Variants in NETO2 observed in about 807,000 individuals in gnomAD.
NETO2 encodes the protein neuropilin and tolloid like 2, also known as neuropilin and tolloid-like protein 2.
A neutral mutation model predicts 62.5 loss-of-function variants in NETO2; 28 were observed. The ratio of observed to expected loss-of-function variants is 0.45; its 90% confidence interval spans 0.33 to 0.61. The LOEUF is 0.61. Among genes scored for constraint, NETO2 ranks in the 20% least tolerant of loss-of-function variants. NETO2 has a pLI of 0.02. For missense variants in NETO2, 548 were observed against 643.2 expected, an observed-to-expected ratio of 0.85 and a Z score of 1.60; for synonymous variants, 214 against 219.1, an observed-to-expected ratio of 0.98 and a Z score of 0.21.
At chr16:47,105,133 A>T (rs1963646047) in intron 7 of NETO2, among the ~76,000 whole-genome samples, 1 of 152,034 alleles carries the variant, frequency 6.6e-6, no homozygotes. Context: ...CCTGGACTCA[A>T]GCAATCCTCC....
chr16:47,122,567 TA>T, intron 6 of NETO2, 89 bp downstream of exon 6: 26 of 1,457,386 alleles, frequency 1.8e-5, no homozygotes, highest in Non-Finnish European at 2.3e-5. Context: ...ATGTAGTCAA[TA>T]AATATTTACA....
intron 4 of NETO2, among the ~76,000 whole-genome samples, chr16:47,126,291 C>T (rs1056881411): frequency 5.3e-5 from 8 of 152,076 alleles, no homozygotes; most frequent in Non-Finnish European, 1.0e-4. Context: ...TACATCTAGA[C>T]AATGAAGTAT....
chr16:47,105,702 A>G (rs1250757937), intron 7 of NETO2, among the ~76,000 whole-genome samples: 2 of 152,256 alleles, frequency 1.3e-5, no homozygotes, highest in Non-Finnish European at 2.9e-5. Flanking sequence ...AAGATGTATG[A>G]ATAGCCAAGA....
chr16:47,128,217 T>C, intron 4 of NETO2, 108 bp downstream of exon 4: 1 of 1,376,326 alleles, frequency 7.3e-7, no homozygotes, highest in South Asian at 1.4e-5. Context: ...TTGTTTAAAA[T>C]CTTGATTTGA....
intron 6 of NETO2, among the ~76,000 whole-genome samples, chr16:47,118,604 T>TTA: frequency 6.6e-6 from 1 of 152,366 alleles, no homozygotes; most frequent in Middle Eastern, 3.4e-3. Flanking sequence ...TGACAAATCA[T>TTA]TATTTATAAT....
Position 47,079,299 on chromosome 16 carries a change from AAAAC to A in NETO2, c.*3918_*3921del, listed in dbSNP as rs1192198323. On this transcript the variant is annotated 3_prime_UTR_variant, in exon 9 of 9. Transcript: ENST00000562435. ...CTGTCTCAAAAAACAAAAAAACAGA[AAAAC>A]AAAAACAGAAGGCCAGGCGCGGTGG... 2 of 139,268 alleles carry A rather than the reference AAAAC, an allele frequency of 1.4e-5. No individual in the cohort carries two copies. The highest frequency in any genetic ancestry group is 2.7e-5 in the African/African-American group (1 of 37,004). 8.6% of individuals were successfully genotyped at this position (139,268 alleles called of 1,614,324 possible).
intron 6 of NETO2, among the ~76,000 whole-genome samples, chr16:47,118,755 C>A (rs1963974369): frequency 6.6e-6 from 1 of 152,228 alleles, no homozygotes; most frequent in Non-Finnish European, 1.5e-5. Flanking sequence ...ACTTCTACCT[C>A]TTACATACTA....
chr16:47,140,580 G>A (rs567237862), intron 1 of NETO2, among the ~76,000 whole-genome samples: 2 of 152,252 alleles, frequency 1.3e-5, no homozygotes, highest in East Asian at 3.9e-4. Context: ...TGCAGTTGAG[G>A]ATTTACTACA....
chr16:47,085,380 CTTT>C (rs113927407), intron 8 of NETO2, among the ~76,000 whole-genome samples: 1 of 145,898 alleles, frequency 6.9e-6, no homozygotes. Context: ...CCACGATATA[CTTT>C]TTTTTTTTTT....
chr16:47,117,727 T>C (rs774089947), intron 6 of NETO2, among the ~76,000 whole-genome samples: 31 of 152,180 alleles, frequency 2.0e-4, no homozygotes, highest in Non-Finnish European at 4.1e-4. Flanking sequence ...TGAGTCCTAT[T>C]TTCCTACTCT....
At chr16:47,138,270 C>A (rs1964398041) in intron 1 of NETO2, among the ~76,000 whole-genome samples, 1 of 152,150 alleles carries the variant, frequency 6.6e-6, no homozygotes, top group Non-Finnish European at 1.5e-5. Context: ...CATGGTGGCA[C>A]ACGCCTGTAG....
chr16:47,116,789 T>C (rs1168485880), intron 6 of NETO2, among the ~76,000 whole-genome samples: 1 of 152,228 alleles, frequency 6.6e-6, no homozygotes, highest in Non-Finnish European at 1.5e-5. Context: ...ATTTTTTGAA[T>C]AAGCACAGGA....
At chr16:47,107,306 CT>C (rs1159294311) in intron 7 of NETO2, among the ~76,000 whole-genome samples, 14 of 152,176 alleles carry the variant, frequency 9.2e-5, no homozygotes, top group Non-Finnish European at 1.8e-4. Context: ...GTTTCCACAA[CT>C]CCCACATAAA....
At chr16:47,101,562 A>G (rs979711203) in intron 7 of NETO2, among the ~76,000 whole-genome samples, 1 of 151,328 alleles carries the variant, frequency 6.6e-6, no homozygotes, top group African/African-American at 2.4e-5. Context: ...AAATCTCCTT[A>G]AAGCTGATAA....
intron 4 of NETO2, among the ~76,000 whole-genome samples, 179 bp from the exon 5 acceptor site, chr16:47,123,091 G>T (rs543676158): frequency 6.6e-6 from 1 of 152,084 alleles, no homozygotes; most frequent in Admixed American, 6.5e-5. Context: ...ATTTAATCAC[G>T]TTTATATTTT....
chr16:47,137,804 G>T (rs768916543), intron 1 of NETO2, among the ~76,000 whole-genome samples: 1 of 152,066 alleles, frequency 6.6e-6, no homozygotes, highest in East Asian at 1.9e-4. Context: ...GTTAGCATTA[G>T]GTTTGGCATG....
At chr16:47,116,730 A>G (rs969574775) in intron 6 of NETO2, among the ~76,000 whole-genome samples, 7 of 152,186 alleles carry the variant, frequency 4.6e-5, no homozygotes, top group African/African-American at 1.7e-4. Flanking sequence ...TTTGCCAGCG[A>G]ACCCATCTAG....
intron 4 of NETO2, among the ~76,000 whole-genome samples, chr16:47,126,145 A>G (rs567503569): frequency 4.6e-5 from 7 of 152,322 alleles, no homozygotes; most frequent in African/African-American, 1.7e-4. Context: ...ATGTTGTGGC[A>G]TGTATTAGAA....
intron 6 of NETO2, among the ~76,000 whole-genome samples, chr16:47,120,773 T>C (rs911946882): frequency 3.9e-5 from 6 of 152,242 alleles, no homozygotes; most frequent in Non-Finnish European, 7.3e-5. Flanking sequence ...TTGTAGACTA[T>C]TTTCTCTATT....
Sources: gnomAD v4.1 joint callset for allele counts (sites outside exome capture counted in the v4.1 genomes callset) on GRCh38, gnomAD v4.1.1 for gene constraint, MANE v1.5 for transcripts, NCBI Gene and HGNC (gene_info 2026-07-23, HGNC 2026-07-21) for gene names.